The following FBXO5 variants were observed in gnomAD, a reference collection of about 807,000 sequenced individuals.
FBXO5 encodes the protein F-box protein 5, also known as F-box only protein 5.
FBXO5 carries 8 observed loss-of-function variants against 43.3 expected under a neutral mutation model. The observed-to-expected ratio is 0.18, with a 90% CI of 0.11 to 0.33. The LOEUF is 0.33. FBXO5 is among the 10% of genes least tolerant of loss of function. FBXO5 has a pLI of 1.00. For synonymous variants in FBXO5, 204 were observed against 193.7 expected (o/e 1.05, Z -0.44); for missense variants, 491 against 535.7 (o/e 0.92, Z 0.82).
At chr6:152,977,789 C>A (rs868306269) in intron 1 of FBXO5, among the ~76,000 whole-genome samples, 6 of 152,260 alleles carry the variant, frequency 3.9e-5, no homozygotes, top group Middle Eastern at 3.4e-3. Context: ...ACCAAAAAGG[C>A]CTGAAAATAC....
Position 152,970,977 on chromosome 6 carries a change from C to T in FBXO5, c.*186G>A. 2 of 465,154 alleles carry T rather than the reference C, an allele frequency of 4.3e-6. No individual in the cohort carries two copies. Among genetic ancestry groups the T allele is most frequent in the African/African-American group, 2.0e-5 (1 of 49,506 alleles). 28.8% of individuals were successfully genotyped at this position (465,154 alleles called of 1,614,324 possible). A position where few individuals can be genotyped will look rare whatever the true frequency, so the allele number is the denominator to read the frequency against. ...TTGTATTGAGAATTTTAAACTTTTT[C>T]TCATTAAATTGTAAAAATATTTTAA... On this transcript the variant is annotated 3_prime_UTR_variant, in exon 5 of 5. Transcript: ENST00000229758.
chr6:152,977,533 C>G lies in FBXO5; in HGVS notation c.104-1912G>C, dbSNP rs1778186735. 2.0e-5 allele frequency among the ~76,000 whole-genome samples: 3 copies of G among 152,132 alleles called. No homozygotes were observed. The South Asian group carries it at 6.2e-4, about 32-fold the overall frequency. On this transcript the variant is annotated intron_variant, in intron 1 of 4. Coordinates refer to ENST00000229758, the MANE Select transcript of FBXO5 (RefSeq NM_012177.5). ...ACTAAACCTAAAATTAAGGGTTCAG[C>G]TGCATAAAAAGCAAAGAATATACAA...
rs1339429175 is a variant in FBXO5, at chr6:152,972,341, A to G, written c.1023T>C (p.Ala341=). The G allele has an allele frequency of 1.2e-6, 2 of 1,613,154 alleles. No homozygotes were observed. Among genetic ancestry groups the G allele is most frequent in the Non-Finnish European group, 1.7e-6 (2 of 1,179,388 alleles). ...SAAQTSLKKD[A]QTKLSNQGDQ... ...CACCTTGATTGGATAACTTGGTTTG[A>G]GCATCTTTTTTGAGAGAAGTCTGGG... is the stretch of plus-strand genomic sequence containing the variant. Residue 341 remains alanine, a synonymous_variant, in exon 4 of 5, where the codon GCT becomes GCC. Transcript: ENST00000229758.
Position 152,975,241 on chromosome 6 carries a change from C to T in FBXO5, c.484G>A (p.Gly162Ser). ...LQSGLSEHEEGSLLEENFGDS... is the reference protein window; with the variant it reads ...LQSGLSEHEESSLLEENFGDS... The stretch of plus-strand genomic sequence containing the variant: ...CCGAAATTCTCCTCCAGGAGGCTAC[C>T]TTCTTCATGTTCACTGAGGCCACTT... The change falls in exon 2 of 5, where the codon GGT becomes AGT. Residue 162 changes from glycine to serine, a missense_variant. By Grantham distance (56) the Gly-to-Ser change is moderately conservative (BLOSUM62 0). Coordinates refer to ENST00000229758, the MANE Select transcript of FBXO5 (RefSeq NM_012177.5). The T allele has an allele frequency of 1.9e-6, 3 of 1,614,104 alleles. No individual in the cohort carries two copies. Among genetic ancestry groups the T allele is most frequent in the East Asian group, 2.2e-5 (1 of 44,884 alleles).
Position 152,971,035 on chromosome 6 carries a change from A to G in FBXO5, c.*128T>C, listed in dbSNP as rs896007504. The stretch of plus-strand genomic sequence containing the variant: ...TCTATCCTCTTTATCTTCTGGGGGG[A>G]AAAAAACCTCAGGATACTACACCGA... On this transcript the variant is annotated 3_prime_UTR_variant, in exon 5 of 5. Transcript: ENST00000229758. The G allele has an allele frequency of 2.5e-5, 14 of 557,592 alleles. No individual in the cohort carries two copies. Among genetic ancestry groups the G allele is most frequent in the African/African-American group, 1.3e-4 (7 of 53,530 alleles). 34.5% of individuals were successfully genotyped at this position (557,592 alleles called of 1,614,324 possible).
intron 3 of FBXO5, 109 bp downstream of exon 3, chr6:152,972,937 T>G: frequency 1.4e-6 from 1 of 720,304 alleles, no homozygotes. Flanking sequence ...AAGGCTGAAA[T>G]ACTTTATGAC....
Position 152,971,010 on chromosome 6 carries a change from T to C in FBXO5, c.*153A>G. 1 of 575,564 alleles carries C rather than the reference T, an allele frequency of 1.7e-6. No homozygotes were observed. The highest frequency in any genetic ancestry group is 3.7e-5 in the South Asian group (1 of 27,194). The allele number at this position is 575,564 out of a possible 1,614,324, so 35.7% of individuals were successfully genotyped here. A position where few individuals can be genotyped will look rare whatever the true frequency, so the allele number is the denominator to read the frequency against. ...ATTGTAAAAATATTTTAAGAGGTTG[T>C]CTATCCTCTTTATCTTCTGGGGGGA... On this transcript the variant is annotated 3_prime_UTR_variant, in exon 5 of 5. Transcript: ENST00000229758.
At chr6:152,974,811 C>T in intron 2 of FBXO5, 96 bp downstream of exon 2, 5 of 950,744 alleles carry the variant, frequency 5.3e-6, no homozygotes, top group Non-Finnish European at 7.8e-6. Flanking sequence ...GGACACTCAA[C>T]CTGTACAACA....
At position 152,971,198 on chromosome 6, in the gene FBXO5, T is replaced by A. The variant is rs1356014258; in HGVS notation, c.1309A>T (p.Thr437Ser). 6.2e-7 allele frequency: 1 copy of A among 1,612,858 alleles called. No individual in the cohort carries two copies. The highest frequency in any genetic ancestry group is 1.7e-5 in the Admixed American group (1 of 59,644). The change falls in exon 5 of 5, where the codon ACA (threonine) becomes TCA (serine). Residue 437 changes from threonine (T) to serine (S), a missense_variant. Coordinates refer to ENST00000229758, the MANE Select transcript of FBXO5 (RefSeq NM_012177.5). ...CGTAAATTCTTTTTGCTTTTCTTTG[T>A]ACCAGGCAGGGGACCTATTTTACAA... Reference protein sequence around the residue: ...ASCKIGPLPGTKKSKKNLRRL With the variant: ...ASCKIGPLPGSKKSKKNLRRL
upstream of FBXO5, chr6:152,983,051 G>A (rs1353343502): frequency 3.0e-6 from 2 of 670,062 alleles, no homozygotes; most frequent in Non-Finnish European, 4.5e-6. Context: ...TCTCTTAAAA[G>A]GCGCCAGCTG....
intron 2 of FBXO5, 144 bp downstream of exon 2, chr6:152,974,763 C>T: frequency 4.6e-6 from 3 of 656,744 alleles, no homozygotes; most frequent in Non-Finnish European, 7.5e-6. Context: ...ATTTGAAAAA[C>T]ATCTGAAATC....
At position 152,982,978 on chromosome 6, in the gene FBXO5, T is replaced by A; in HGVS notation, c.-19A>T. 2 of 1,378,000 alleles carry A rather than the reference T, an allele frequency of 1.5e-6. No homozygotes were observed. The highest frequency in any genetic ancestry group is 1.9e-6 in the Non-Finnish European group (2 of 1,070,052). The allele number at this position is 1,378,000 out of a possible 1,614,324, so 85.4% of individuals were successfully genotyped here. A position where few individuals can be genotyped will look rare whatever the true frequency, so the allele number is the denominator to read the frequency against. The stretch of plus-strand genomic sequence containing the variant: ...GGCTCATGCCAGCCGACGTGGAGTC[T>A]GCCTCAGGTGGAGGAACCGCTCCGG... On this transcript the variant is annotated 5_prime_UTR_variant, in exon 1 of 5. Coordinates refer to ENST00000229758, the MANE Select transcript of FBXO5 (RefSeq NM_012177.5).
intron 4 of FBXO5, 129 bp from the exon 5 acceptor site, chr6:152,971,543 A>T: frequency 1.1e-6 from 1 of 878,568 alleles, no homozygotes; most frequent in Non-Finnish European, 1.7e-6. Context: ...ACATACGATA[A>T]CTACTGCCCT....
At chr6:152,982,520 AG>A (rs1198152267) in intron 1 of FBXO5, among the ~76,000 whole-genome samples, 2 of 152,010 alleles carry the variant, frequency 1.3e-5, no homozygotes, top group Non-Finnish European at 2.9e-5. Flanking sequence ...CGCCTATTCA[AG>A]CAGGGTGGGG....
intron 3 of FBXO5, chr6:152,972,806 T>A: frequency 2.0e-6 from 1 of 500,050 alleles, no homozygotes; most frequent in Non-Finnish European, 3.5e-6. Flanking sequence ...GTCGACTCTA[T>A]CTGAGAAATG....
upstream of FBXO5, chr6:152,983,065 C>A (rs1778291712): frequency 3.4e-6 from 2 of 589,880 alleles, no homozygotes; most frequent in East Asian, 7.0e-5. Context: ...CCAGCTGGTA[C>A]TTTTAAAATC....
rs187293264 is a variant in FBXO5, at chr6:152,975,180, C to A, written c.545G>T (p.Ser182Ile). 6.2e-7 allele frequency: 1 copy of A among 1,614,148 alleles called. No individual in the cohort carries two copies. The highest frequency in any genetic ancestry group is 1.7e-5 in the Admixed American group (1 of 60,022). Residue 182 changes from serine (S) to isoleucine (I), a missense_variant, in exon 2 of 5, where the codon AGC (serine) becomes ATC (isoleucine). Physicochemically the swap from Ser to Ile is moderately radical, Grantham distance 142. Transcript: ENST00000229758. ...GTTTTTGTTGGGATATTGGTCTGGG[C>A]TTTGTATTTGTAGCAGGCAGGATTG... is the stretch of plus-strand genomic sequence containing the variant. ...SLQSCLLQIQ[S>I]PDQYPNKNLL...
chr6:152,979,794 C>T (rs189726237), intron 1 of FBXO5, among the ~76,000 whole-genome samples: 12 of 152,272 alleles, frequency 7.9e-5, no homozygotes, highest in African/African-American at 2.6e-4. Context: ...ATACTTAAAT[C>T]ATTTTGTGTT....
intron 2 of FBXO5, among the ~76,000 whole-genome samples, chr6:152,974,143 T>C (rs1778126704): frequency 6.6e-6 from 1 of 151,806 alleles, no homozygotes; most frequent in South Asian, 2.1e-4. Flanking sequence ...GAGGTGGAGG[T>C]TGCAGTAAGC....
Sources: allele counts gnomAD v4.1 joint callset (sites outside exome capture counted in the v4.1 genomes callset), GRCh38; gene constraint gnomAD v4.1.1; transcripts MANE v1.5; gene names NCBI Gene and HGNC (gene_info 2026-07-23, HGNC 2026-07-21).